FAM204A: variants seen among roughly 807,000 people sequenced by gnomAD.
FAM204A encodes the protein family with sequence similarity 204 member A.
A neutral mutation model predicts 35.4 loss-of-function variants in FAM204A; 16 were observed. That is an observed-to-expected ratio of 0.45 (90% CI 0.31 to 0.69). The LOEUF (loss-of-function observed/expected upper bound fraction) is 0.69, where lower values mean the gene tolerates loss of function less well. FAM204A is among the 30% of genes least tolerant of loss of function. FAM204A has a pLI of 0.07. For synonymous variants in FAM204A, 76 were observed against 86.9 expected (o/e 0.88, Z 0.70); for missense variants, 240 against 265.7 (o/e 0.90, Z 0.67).
chr10:118,320,880 G>GTT (rs1252418655), intron 7 of FAM204A, among the ~76,000 whole-genome samples: 4 of 137,488 alleles, frequency 2.9e-5, no homozygotes, highest in East Asian at 2.1e-4. Context: ...TTGGAATACC[G>GTT]TTTTGTGTGT....
At position 118,305,764 on chromosome 10, in the gene FAM204A, G is replaced by A. The variant is rs769511402; in HGVS notation, c.*5093C>T. ...TGCATCTGCAAGAGTTAGTTTATCT[G>A]ACATATAGTAGGCATTCAGGAAATG... On this transcript the variant is annotated 3_prime_UTR_variant, in exon 9 of 9. Coordinates refer to ENST00000369183, the MANE Select transcript of FAM204A (RefSeq NM_022063.3). 6.6e-6 allele frequency: 1 copy of A among 152,216 alleles called. No individual in the cohort carries two copies. Among genetic ancestry groups the A allele is most frequent in the Admixed American group, 6.5e-5 (1 of 15,286 alleles). 9.4% of individuals were successfully genotyped at this position (152,216 alleles called of 1,614,324 possible).
intron 7 of FAM204A, among the ~76,000 whole-genome samples, chr10:118,312,177 C>T (rs942806338): frequency 2.6e-5 from 4 of 152,174 alleles, no homozygotes; most frequent in Admixed American, 2.6e-4. Context: ...TTTTAAAATG[C>T]CCACCAATGC....
chr10:118,342,288 C>T lies in FAM204A; in HGVS notation c.-228G>A, dbSNP rs12783325. The stretch of plus-strand genomic sequence containing the variant: ...TACTCACCTGTCAGGAAGTGGTCGC[C>T]CAGCAGCCATCTTAGGACCCCGTCA... On this transcript the variant is annotated 5_prime_UTR_variant, in exon 1 of 9. Transcript: ENST00000369183. 2.0e-5 allele frequency: 3 copies of T among 152,568 alleles called. No individual in the cohort carries two copies. Among genetic ancestry groups the T allele is most frequent in the Admixed American group, 1.3e-4 (2 of 15,312 alleles). The allele number at this position is 152,568 out of a possible 1,614,324, so 9.5% of individuals were successfully genotyped here. A position where few individuals can be genotyped will look rare whatever the true frequency, so the allele number is the denominator to read the frequency against.
In FAM204A at chr10:118,327,640, T is replaced by C. The variant is rs370719392; in HGVS notation, c.454-1397A>G. On this transcript the variant is annotated intron_variant, in intron 6 of 8. Transcript: ENST00000369183. The stretch of plus-strand genomic sequence containing the variant: ...CAAACAACACCCTGGGACCTCTAAC[T>C]TGATGCACTTCAGAAATCTATACTC... Among the ~76,000 whole-genome samples, 22 of 152,312 alleles carry C rather than the reference T, an allele frequency of 1.4e-4. No homozygotes were observed. The East Asian group carries it at 1.5e-3, about 11-fold the overall frequency.
At chr10:118,330,689 C>T (rs1406826394) in intron 6 of FAM204A, among the ~76,000 whole-genome samples, 1 of 152,150 alleles carries the variant, frequency 6.6e-6, no homozygotes, top group Non-Finnish European at 1.5e-5. Flanking sequence ...GTTCCATGTA[C>T]ACCCAAACTT....
rs924346968 is a variant in FAM204A, at chr10:118,307,523, T to C, written c.*3334A>G. ...ACTAACTTCAAAATGAGATCTGACA[T>C]AACATCGGCTTGCCTCCTCAAACTT... is the stretch of plus-strand genomic sequence containing the variant. On this transcript the variant is annotated 3_prime_UTR_variant, in exon 9 of 9. Transcript: ENST00000369183. 1 of 152,242 alleles carries C rather than the reference T, an allele frequency of 6.6e-6. No individual in the cohort carries two copies. The highest frequency in any genetic ancestry group is 2.4e-5 in the African/African-American group (1 of 41,468). The allele number at this position is 152,242 out of a possible 1,614,324, so 9.4% of individuals were successfully genotyped here.
At chr10:118,321,724 C>CAAAAGAAA (rs1846119849) in intron 7 of FAM204A, among the ~76,000 whole-genome samples, 1 of 87,258 alleles carries the variant, frequency 1.1e-5, no homozygotes, top group Non-Finnish European at 2.1e-5. Context: ...TATGACAAAG[C>CAAAAGAAA]AAAAAAAAAA....
At chr10:118,311,612 T>C (rs1845953405) in intron 7 of FAM204A, 1 of 249,854 alleles carries the variant, frequency 4.0e-6, no homozygotes, top group Non-Finnish European at 7.5e-6. Context: ...TATTTCAGCA[T>C]TGCAGTAGGC....
chr10:118,336,091 AG>A, intron 3 of FAM204A, 90 bp downstream of exon 3: 1 of 1,450,172 alleles, frequency 6.9e-7, no homozygotes, highest in Non-Finnish European at 9.3e-7. Context: ...TTAAGTCCCA[AG>A]AATACATGCA....
At chr10:118,317,014 GAC>G (rs1846043038) in intron 7 of FAM204A, among the ~76,000 whole-genome samples, 1 of 152,118 alleles carries the variant, frequency 6.6e-6, no homozygotes, top group African/African-American at 2.4e-5. Context: ...CCATAAGAAA[GAC>G]AGTTTTTTAA....
intron 7 of FAM204A, among the ~76,000 whole-genome samples, chr10:118,316,861 T>G (rs1417691001): frequency 6.6e-6 from 1 of 152,086 alleles, no homozygotes; most frequent in African/African-American, 2.4e-5. Context: ...GATTACAGTA[T>G]TCCAAAGGAG....
chr10:118,336,225 G>C lies in FAM204A; in HGVS notation c.191C>G (p.Ala64Gly). 1 of 1,613,784 alleles carries C rather than the reference G, an allele frequency of 6.2e-7. No homozygotes were observed. Among genetic ancestry groups the C allele is most frequent in the Non-Finnish European group, 8.5e-7 (1 of 1,179,746 alleles). ...PKTETESNVN[A>G]YEECPSGIPI... ...AATTCCAGAAGGACACTCTTCATAG[G>C]CATTTACATTTGACTCTGTTTCAGT... is the stretch of plus-strand genomic sequence containing the variant. The change falls in exon 3 of 9, where the codon GCC becomes GGC. Residue 64 changes from alanine (A) to glycine (G), a missense_variant. By Grantham distance (60) the Ala-to-Gly change is moderately conservative. Transcript: ENST00000369183.
At chr10:118,324,847 A>G (rs904260416) in intron 7 of FAM204A, among the ~76,000 whole-genome samples, 1 of 152,172 alleles carries the variant, frequency 6.6e-6, no homozygotes, top group South Asian at 2.1e-4. Flanking sequence ...TGTTATGTAC[A>G]TTTTACAATT....
In FAM204A at chr10:118,304,668, C is replaced by G. The variant is rs933421917; in HGVS notation, c.*6189G>C. The G allele has an allele frequency of 1.6e-4, 24 of 152,362 alleles. No individual in the cohort carries two copies. The highest frequency in any genetic ancestry group is 5.3e-4 in the African/African-American group (22 of 41,572). The allele number at this position is 152,362 out of a possible 1,614,324, so 9.4% of individuals were successfully genotyped here. A position where few individuals can be genotyped will look rare whatever the true frequency, so the allele number is the denominator to read the frequency against. On this transcript the variant is annotated 3_prime_UTR_variant, in exon 9 of 9. Transcript: ENST00000369183. ...GTAAAGTCCCAACAGCCCTTTATGG[C>G]ATAATAAGCACTGCCTTTGCCTCAC...
chr10:118,323,185 G>A (rs1846145616), intron 7 of FAM204A, among the ~76,000 whole-genome samples: 1 of 152,020 alleles, frequency 6.6e-6, no homozygotes, highest in Non-Finnish European at 1.5e-5. Context: ...CCAGCTTGTT[G>A]AGTCCTGTGA....
In FAM204A at chr10:118,336,165, T is replaced by C; in HGVS notation, c.234+17A>G. 1.9e-6 allele frequency: 3 copies of C among 1,609,050 alleles called. No individual in the cohort carries two copies. The highest frequency in any genetic ancestry group is 2.5e-6 in the Non-Finnish European group (3 of 1,177,472). ...ACACACACAGGCTGTAGCAAGAGCATTTCAGAGAAAACCTACATTCCACAT... is the reference window on the plus strand; with the variant it reads ...ACACACACAGGCTGTAGCAAGAGCACTTCAGAGAAAACCTACATTCCACAT... On this transcript the variant is annotated intron_variant, in intron 3 of 8. Transcript: ENST00000369183.
rs777985647 is a variant in FAM204A at position 118,301,445 on chromosome 10, C to T, written c.*9412G>A. Reference sequence around the variant, plus strand: ...AAGAGGGCCAAAAGACACCTGTATACTGCATGACTTTCATTCAAGAACAGG... The same window carrying T: ...AAGAGGGCCAAAAGACACCTGTATATTGCATGACTTTCATTCAAGAACAGG... On this transcript the variant is annotated 3_prime_UTR_variant, in exon 9 of 9. Transcript: ENST00000369183. The T allele has an allele frequency of 1.3e-5, 2 of 152,196 alleles. No individual in the cohort carries two copies. Among genetic ancestry groups the T allele is most frequent in the Non-Finnish European group, 2.9e-5 (2 of 68,036 alleles). The allele number at this position is 152,196 out of a possible 1,614,324, so 9.4% of individuals were successfully genotyped here.
chr10:118,337,285 C>T lies in FAM204A; in HGVS notation c.-8-862G>A. 6 of 974,804 alleles carry T rather than the reference C, an allele frequency of 6.2e-6. No homozygotes were observed. The South Asian group carries it at 2.4e-4, about 39-fold the overall frequency. 60.4% of individuals were successfully genotyped at this position (974,804 alleles called of 1,614,324 possible). ...CACATATATTGAGCCAAAACCAGTT[C>T]CTTCAAAAGATGCTTAAAATAGAGA... On this transcript the variant is annotated intron_variant, in intron 2 of 8. Coordinates refer to ENST00000369183, the MANE Select transcript of FAM204A (RefSeq NM_022063.3).
intron 3 of FAM204A, 38 bp from the exon 4 acceptor site, chr10:118,335,679 T>A (rs1846373131): frequency 1.4e-6 from 2 of 1,442,076 alleles, no homozygotes; most frequent in East Asian, 4.6e-5. Context: ...GCAAATATAC[T>A]TTCCAGAAAA....
Sources: gnomAD v4.1 joint callset for allele counts (sites outside exome capture counted in the v4.1 genomes callset) on GRCh38, gnomAD v4.1.1 for gene constraint, MANE v1.5 for transcripts, NCBI Gene and HGNC (gene_info 2026-07-23, HGNC 2026-07-21) for gene names.